DLGAP4: variants seen among roughly 807,000 people sequenced by gnomAD.
The protein encoded by DLGAP4 is DLG associated protein 4, also known as disks large-associated protein 4.
DLGAP4 carries 18 observed loss-of-function variants against 86.9 expected under a neutral mutation model. The observed-to-expected ratio is 0.21, with a 90% CI of 0.14 to 0.31. The LOEUF (loss-of-function observed/expected upper bound fraction) is 0.31, where lower values mean the gene tolerates loss of function less well. Among genes scored for constraint, DLGAP4 ranks in the 10% least tolerant of loss-of-function variants. DLGAP4 has a pLI of 1.00. For synonymous variants in DLGAP4, 548 were observed against 574.3 expected, an observed-to-expected ratio of 0.95 and a Z score of 0.65; for missense variants, 1,085 against 1,362.6, an observed-to-expected ratio of 0.80 and a Z score of 3.21.
chr20:36,424,200 G>C (rs1308534890), intron 2 of DLGAP4, among the ~76,000 whole-genome samples: 1 of 152,172 alleles, frequency 6.6e-6, no homozygotes, highest in African/African-American at 2.4e-5. Flanking sequence ...AGAGGGAAGA[G>C]GTGAACCTCA....
At chr20:36,502,967 C>T (rs1046674311) in intron 10 of DLGAP4, among the ~76,000 whole-genome samples, 1 of 152,136 alleles carries the variant, frequency 6.6e-6, no homozygotes, top group Non-Finnish European at 1.5e-5. Flanking sequence ...TCAGATAATC[C>T]GCCCGGCTTG....
intron 7 of DLGAP4, among the ~76,000 whole-genome samples, chr20:36,455,244 T>C (rs2033850377): frequency 6.6e-6 from 1 of 150,808 alleles, no homozygotes; most frequent in Non-Finnish European, 1.5e-5. Context: ...TTGCCTTCTG[T>C]CTGTCTCCCT....
intron 2 of DLGAP4, among the ~76,000 whole-genome samples, chr20:36,400,129 A>G (rs2032114686): frequency 6.6e-6 from 1 of 152,238 alleles, no homozygotes. Flanking sequence ...TTTTGTATAC[A>G]AGCTTGAAGT....
chr20:36,504,875 C>T (rs1398855113), intron 10 of DLGAP4, among the ~76,000 whole-genome samples: 1 of 151,994 alleles, frequency 6.6e-6, no homozygotes, highest in African/African-American at 2.4e-5. Flanking sequence ...GTTGTAAGTC[C>T]TTTATATATT....
intron 2 of DLGAP4, among the ~76,000 whole-genome samples, chr20:36,423,121 G>A (rs1207159891): frequency 6.6e-6 from 1 of 152,182 alleles, no homozygotes; most frequent in Non-Finnish European, 1.5e-5. Context: ...ACAGAAGGGG[G>A]AAAGGACCAG....
chr20:36,443,950 G>A (rs1412697863), intron 6 of DLGAP4, among the ~76,000 whole-genome samples: 5 of 152,274 alleles, frequency 3.3e-5, no homozygotes, highest in East Asian at 1.9e-4. Flanking sequence ...GAGGCACAAA[G>A]CAATTAAGTG....
intron 2 of DLGAP4, among the ~76,000 whole-genome samples, chr20:36,419,848 C>T (rs527924436): frequency 6.6e-6 from 1 of 152,336 alleles, no homozygotes; most frequent in East Asian, 1.9e-4. Flanking sequence ...TCCACAATAT[C>T]CTATTGGTGA....
chr20:36,477,830 G>T (rs2035014474), intron 7 of DLGAP4, among the ~76,000 whole-genome samples: 1 of 152,230 alleles, frequency 6.6e-6, no homozygotes, highest in Admixed American at 6.5e-5. Context: ...ATCCCAATTT[G>T]TAGAAGTAGT....
chr20:36,384,986 A>C (rs1336793751), intron 2 of DLGAP4, among the ~76,000 whole-genome samples: 1 of 152,174 alleles, frequency 6.6e-6, no homozygotes, highest in Non-Finnish European at 1.5e-5. Flanking sequence ...TGGTGTTGAG[A>C]AAGGCCTTGA....
At chr20:36,435,337 G>C (rs755914649) in intron 3 of DLGAP4, among the ~76,000 whole-genome samples, 1 of 152,192 alleles carries the variant, frequency 6.6e-6, no homozygotes, top group Non-Finnish European at 1.5e-5. Flanking sequence ...TAGCCTGTGT[G>C]CACTGCCCTG....
intron 1 of DLGAP4, among the ~76,000 whole-genome samples, chr20:36,333,891 G>A (rs1471178906): frequency 1.3e-5 from 2 of 152,222 alleles, no homozygotes; most frequent in African/African-American, 4.8e-5. Context: ...GCAGAACTTG[G>A]GAAACTCATG....
chr20:36,477,391 A>G (rs1316496505), intron 7 of DLGAP4, among the ~76,000 whole-genome samples: 44 of 152,220 alleles, frequency 2.9e-4, no homozygotes, highest in Non-Finnish European at 1.0e-4. Flanking sequence ...CACCATGCCC[A>G]GGCAATTCTC....
At chr20:36,478,269 A>G (rs551451420) in intron 7 of DLGAP4, among the ~76,000 whole-genome samples, 1 of 152,198 alleles carries the variant, frequency 6.6e-6, no homozygotes, top group African/African-American at 2.4e-5. Flanking sequence ...AGTCTTCTCG[A>G]CACAGGCAAA....
intron 8 of DLGAP4, chr20:36,499,118 T>A (rs1345844112): frequency 1.0e-6 from 1 of 961,828 alleles, no homozygotes; most frequent in East Asian, 2.6e-5. Flanking sequence ...CAGGGAGTGA[T>A]CTTTGCCTCA....
In DLGAP4 at chr20:36,500,460, C is replaced by T. The variant is rs746966041; in HGVS notation, c.2361C>T (p.Ser787=). ...CACCCGACCCCTGGCTCGAGACCTC[C>T]TCCAGCTCCCCAGCAGAGCCGGCAC... ...LPPPDPWLET[S]SSSPAEPAQP... The change falls in exon 10 of 13, where the codon TCC becomes TCT. Residue 787 remains serine (S), a synonymous_variant. Coordinates refer to ENST00000339266, the MANE Select transcript of DLGAP4 (RefSeq NM_001365621.2). The surrounding 1 kb of genome is among the most constrained non-coding windows in gnomAD (Gnocchi z 4.6). 3.1e-5 allele frequency: 50 copies of T among 1,589,238 alleles called. No individual in the cohort carries two copies. The highest frequency in any genetic ancestry group is 7.0e-5 in the Admixed American group (4 of 56,938).
intron 6 of DLGAP4, among the ~76,000 whole-genome samples, chr20:36,443,702 A>C (rs922779168): frequency 3.9e-5 from 6 of 152,126 alleles, no homozygotes; most frequent in African/African-American, 1.4e-4. Context: ...CCTACACAGT[A>C]AATCCTCAGT....
chr20:36,497,252 C>A, intron 8 of DLGAP4, 186 bp downstream of exon 8: 1 of 985,444 alleles, frequency 1.0e-6, no homozygotes, highest in Non-Finnish European at 1.2e-6. Context: ...TATCTGTCCA[C>A]ACGTGCTGCT....
chr20:36,333,043 C>A (rs1319495375), intron 1 of DLGAP4, among the ~76,000 whole-genome samples: 2 of 152,102 alleles, frequency 1.3e-5, no homozygotes, highest in African/African-American at 4.8e-5. Context: ...CTTTCTCTCT[C>A]TTTTTTTACT....
chr20:36,360,975 A>G (rs1555894186), intron 1 of DLGAP4, among the ~76,000 whole-genome samples: 1 of 151,424 alleles, frequency 6.6e-6, no homozygotes, highest in African/African-American at 2.4e-5. Flanking sequence ...GCACAGAGAG[A>G]CTCGGGAGGT....
Sources: allele counts gnomAD v4.1 joint callset (sites outside exome capture counted in the v4.1 genomes callset), GRCh38; gene constraint gnomAD v4.1.1; non-coding constraint Gnocchi (gnomAD v3.1); transcripts MANE v1.5; gene names NCBI Gene and HGNC (gene_info 2026-07-23, HGNC 2026-07-21).